The following DEFB106A variants were observed in gnomAD, a reference collection of about 807,000 sequenced individuals.
DEFB106A encodes beta-defensin 106.
For missense variants in DEFB106A, 4 were observed against 63.7 expected (o/e 0.06, Z 3.19); for synonymous variants, 1 against 22.5 (o/e 0.04, Z 2.70).
intron 1 of DEFB106A, among the ~76,000 whole-genome samples, chr8:7,826,465 A>G (rs1173367483): frequency 6.8e-6 from 1 of 146,190 alleles, no homozygotes; most frequent in Non-Finnish European, 1.5e-5. Context: ...TAATTATTAG[A>G]TAATCTAATA....
chr8:7,827,623 A>G (rs1817453782), intron 1 of DEFB106A, among the ~76,000 whole-genome samples: 1 of 127,786 alleles, frequency 7.8e-6, no homozygotes, highest in African/African-American at 2.7e-5. Context: ...ATACTACTAT[A>G]ACACACTAGT....
In DEFB106A at chr8:7,828,945, A is replaced by G. The variant is rs1817503178; in HGVS notation, c.190A>G (p.Ile64Val). 6.9e-7 allele frequency: 1 copy of G among 1,459,120 alleles called. No homozygotes were observed. The highest frequency in any genetic ancestry group is 9.3e-7 in the Non-Finnish European group (1 of 1,078,500). 90.4% of individuals were successfully genotyped at this position (1,459,120 alleles called of 1,614,324 possible). The change falls in exon 2 of 2, where the codon ATA becomes GTA. Residue 64 changes from isoleucine to valine, a missense_variant. Ile to Val is a conservative substitution (Grantham distance 29, BLOSUM62 3). Transcript: ENST00000335186. Reference sequence around the variant, plus strand: ...GACCATCCAGCCATGTGGGAGCATTATAGATTAATGCAGAAGATTTAGGTT... The same window carrying G: ...GACCATCCAGCCATGTGGGAGCATTGTAGATTAATGCAGAAGATTTAGGTT... ...CRTIQPCGSI[I>V]D
At position 7,828,873 on chromosome 8, in the gene DEFB106A, A is replaced by C; in HGVS notation, c.118A>C (p.Asn40His). 1 of 1,558,570 alleles carries C rather than the reference A, an allele frequency of 6.4e-7. No homozygotes were observed. The highest frequency in any genetic ancestry group is 1.7e-5 in the Admixed American group (1 of 57,736). Residue 40 changes from asparagine to histidine, a missense_variant, in exon 2 of 2, where the codon AAT becomes CAT. Transcript: ENST00000335186. Reference protein sequence around the residue: ...KGTCKNNCGKNEELIALCQKS... With the variant: ...KGTCKNNCGKHEELIALCQKS... ...GACATGCAAGAACAATTGCGGGAAAAATGAAGAACTTATTGCTCTCTGCCA... is the reference window on the plus strand; with the variant it reads ...GACATGCAAGAACAATTGCGGGAAACATGAAGAACTTATTGCTCTCTGCCA...
chr8:7,827,868 C>T (rs1277745669), intron 1 of DEFB106A, among the ~76,000 whole-genome samples: 2 of 141,074 alleles, frequency 1.4e-5, no homozygotes, highest in Admixed American at 1.4e-4. Context: ...CAGAGTTCAT[C>T]GAGCTTTGAA....
chr8:7,827,700 T>C (rs1817457404), intron 1 of DEFB106A, among the ~76,000 whole-genome samples: 1 of 134,858 alleles, frequency 7.4e-6, no homozygotes, highest in African/African-American at 2.6e-5. Flanking sequence ...TATACTATAA[T>C]ACTAGTATTT....
chr8:7,827,154 T>TG (rs1563448016), intron 1 of DEFB106A, among the ~76,000 whole-genome samples: 6 of 96,744 alleles, frequency 6.2e-5, no homozygotes, highest in Admixed American at 1.3e-4. Flanking sequence ...TATACTAGTA[T>TG]AATACACAAG....
intron 1 of DEFB106A, among the ~76,000 whole-genome samples, chr8:7,828,167 A>G (rs1817471992): frequency 6.7e-6 from 1 of 149,338 alleles, no homozygotes; most frequent in Non-Finnish European, 1.5e-5. Context: ...ACTGCTACTG[A>G]TAAAGCCCTA....
chr8:7,827,341 T>C (rs1322225628), intron 1 of DEFB106A, among the ~76,000 whole-genome samples: 1 of 126,882 alleles, frequency 7.9e-6, no homozygotes, highest in Non-Finnish European at 1.6e-5. Context: ...ACTAGTATAA[T>C]ACACTAGTAT....
intron 1 of DEFB106A, among the ~76,000 whole-genome samples, chr8:7,826,999 A>G (rs1004712005): frequency 4.0e-5 from 5 of 124,092 alleles, no homozygotes; most frequent in African/African-American, 1.3e-4. Context: ...TATTATTACT[A>G]GTAGTATTAT....
chr8:7,826,650 T>A (rs1267609683), intron 1 of DEFB106A, among the ~76,000 whole-genome samples: 1 of 118,290 alleles, frequency 8.5e-6, no homozygotes, highest in Non-Finnish European at 1.8e-5. Flanking sequence ...CTAGTATATA[T>A]TATATATATA....
chr8:7,827,694 C>A (rs1055858539), intron 1 of DEFB106A, among the ~76,000 whole-genome samples: 1 of 134,018 alleles, frequency 7.5e-6, no homozygotes, highest in African/African-American at 2.6e-5. Flanking sequence ...CCAGTATATA[C>A]TATAATACTA....
intron 1 of DEFB106A, among the ~76,000 whole-genome samples, chr8:7,827,439 T>C (rs200219981): frequency 0.16 from 9,335 of 59,284 alleles, 239 homozygotes; most frequent in East Asian, 0.21. Context: ...GTATATATAC[T>C]AGTATAATAC....
chr8:7,827,378 T>A (rs1323165291), intron 1 of DEFB106A, among the ~76,000 whole-genome samples: 3 of 124,010 alleles, frequency 2.4e-5, no homozygotes, highest in African/African-American at 9.2e-5. Flanking sequence ...ACTAGTATAA[T>A]ACACTAATAT....
intron 1 of DEFB106A, among the ~76,000 whole-genome samples, chr8:7,827,682 T>C (rs936087012): frequency 3.7e-5 from 5 of 133,678 alleles, no homozygotes; most frequent in Middle Eastern, 4.8e-3. Context: ...TACACTATTA[T>C]ACCAGTATAT....
At chr8:7,826,670 ATTT>A (rs368772606) in intron 1 of DEFB106A, among the ~76,000 whole-genome samples, 26 of 104,632 alleles carry the variant, frequency 2.5e-4, no homozygotes, top group East Asian at 1.1e-3. Context: ...ATATATACAT[ATTT>A]TTTTTTTTTT....
intron 1 of DEFB106A, among the ~76,000 whole-genome samples, chr8:7,827,894 C>G (rs1459183282): frequency 4.2e-4 from 59 of 140,420 alleles, no homozygotes; most frequent in African/African-American, 1.5e-3. Context: ...GGAGTATTTT[C>G]ACTTATGAAC....
intron 1 of DEFB106A, among the ~76,000 whole-genome samples, chr8:7,827,896 C>T (rs1347690969): frequency 5.7e-5 from 8 of 140,488 alleles, no homozygotes; most frequent in Non-Finnish European, 7.9e-5. Flanking sequence ...AGTATTTTCA[C>T]TTATGAACTG....
At chr8:7,827,727 G>A (rs1203146561) in intron 1 of DEFB106A, among the ~76,000 whole-genome samples, 5 of 132,080 alleles carry the variant, frequency 3.8e-5, no homozygotes, top group African/African-American at 1.3e-4. Context: ...TATATACTAA[G>A]CTATACTATG....
intron 1 of DEFB106A, among the ~76,000 whole-genome samples, chr8:7,827,072 T>A (rs1379584953): frequency 7.8e-6 from 1 of 128,246 alleles, no homozygotes; most frequent in East Asian, 2.3e-4. Flanking sequence ...ATAGTATACA[T>A]ACTAGTATAA....
Sources: gnomAD v4.1 joint callset for allele counts (sites outside exome capture counted in the v4.1 genomes callset) on GRCh38, gnomAD v4.1.1 for gene constraint, MANE v1.5 for transcripts, NCBI Gene and HGNC (gene_info 2026-07-23, HGNC 2026-07-21) for gene names.